Variants in IL15 observed in about 807,000 individuals in gnomAD.
IL15 encodes interleukin 15.
A neutral mutation model predicts 19.6 loss-of-function variants in IL15; 11 were observed. The ratio of observed to expected loss-of-function variants is 0.56; its 90% confidence interval spans 0.35 to 0.93. IL15 has a LOEUF of 0.93. IL15 is among the 40% of genes least tolerant of loss of function. The probability of loss-of-function intolerance (pLI) is 0.01; values close to 1 mark genes in which losing one functional copy is unlikely to be tolerated. For missense variants in IL15, 197 were observed against 186.5 expected, an observed-to-expected ratio of 1.06 and a Z score of -0.33; for synonymous variants, 58 against 59.6, an observed-to-expected ratio of 0.97 and a Z score of 0.12.
intron 5 of IL15, among the ~76,000 whole-genome samples, chr4:141,726,998 T>G (rs1389322268): frequency 6.6e-6 from 1 of 152,138 alleles, no homozygotes; most frequent in Non-Finnish European, 1.5e-5. Context: ...CTATGACATT[T>G]TGAAAAAGGC....
At chr4:141,708,837 G>A (rs1043473844) in intron 2 of IL15, among the ~76,000 whole-genome samples, 7 of 152,006 alleles carry the variant, frequency 4.6e-5, no homozygotes, top group Non-Finnish European at 5.9e-5. Flanking sequence ...ACAAGCACCA[G>A]GTAACTATAG....
Position 141,733,762 on chromosome 4 carries a change from T to G in IL15, c.*914T>G, listed in dbSNP as rs1263916890. The G allele has an allele frequency of 6.6e-6, 1 of 152,232 alleles. No individual in the cohort carries two copies. The highest frequency in any genetic ancestry group is 1.5e-5 in the Non-Finnish European group (1 of 68,034). The allele number at this position is 152,232 out of a possible 1,614,324, so 9.4% of individuals were successfully genotyped here. ...AAAACTAATAGTGACAGTGTTCATA[T>G]TTCATGCTTTCCCAAATACAGGTAT... On this transcript the variant is annotated 3_prime_UTR_variant, in exon 8 of 8. Coordinates refer to ENST00000320650, the MANE Select transcript of IL15 (RefSeq NM_000585.5).
At chr4:141,677,546 G>A (rs1366725587) in intron 2 of IL15, among the ~76,000 whole-genome samples, 1 of 152,104 alleles carries the variant, frequency 6.6e-6, no homozygotes, top group Non-Finnish European at 1.5e-5. Context: ...AGCCCGAGTT[G>A]TTCAAGGAGC....
chr4:141,664,392 A>ACACAC (rs1553987469), intron 2 of IL15, among the ~76,000 whole-genome samples: 15 of 112,842 alleles, frequency 1.3e-4, no homozygotes, highest in Admixed American at 1.3e-3. Context: ...CACACACACA[A>ACACAC]AACCAACAAC....
At chr4:141,721,443 A>T in intron 4 of IL15, 1 of 617,172 alleles carries the variant, frequency 1.6e-6, no homozygotes, top group African/African-American at 1.8e-5. Context: ...GAGTGTGAGC[A>T]ACATGAAAGG....
At chr4:141,731,828 G>T (rs958943108) in intron 7 of IL15, among the ~76,000 whole-genome samples, 5 of 152,118 alleles carry the variant, frequency 3.3e-5, no homozygotes, top group African/African-American at 7.2e-5. Context: ...TTTTATTTTT[G>T]CTGGCACAGC....
At chr4:141,725,605 A>G (rs887511954) in intron 5 of IL15, among the ~76,000 whole-genome samples, 1 of 152,162 alleles carries the variant, frequency 6.6e-6, no homozygotes, top group African/African-American at 2.4e-5. Flanking sequence ...GACTGATATA[A>G]ACACCTATTG....
At chr4:141,684,574 A>C (rs1448220067) in intron 2 of IL15, among the ~76,000 whole-genome samples, 1 of 152,118 alleles carries the variant, frequency 6.6e-6, no homozygotes, top group East Asian at 1.9e-4. Context: ...GACTTCCTTC[A>C]ATACTTTTCA....
chr4:141,671,623 A>G (rs1728179961), intron 2 of IL15, among the ~76,000 whole-genome samples: 1 of 152,096 alleles, frequency 6.6e-6, no homozygotes, highest in Non-Finnish European at 1.5e-5. Flanking sequence ...TTCATCATGC[A>G]GTTTCTTCAT....
At chr4:141,715,762 T>C (rs1342644930) in intron 2 of IL15, 1 of 152,196 alleles carries the variant, frequency 6.6e-6, no homozygotes, top group Non-Finnish European at 1.5e-5. Context: ...AAACCAATAC[T>C]TGTAAATCTT....
In IL15 at chr4:141,656,306, G is replaced by A. The variant is rs182459184; in HGVS notation, c.-101G>A. The A allele has an allele frequency of 3.8e-5, 15 of 398,102 alleles. No homozygotes were observed. The highest frequency in any genetic ancestry group is 2.1e-4 in the East Asian group (6 of 28,056). The allele number at this position is 398,102 out of a possible 1,614,324, so 24.7% of individuals were successfully genotyped here. ...GCAGATAGCCAGCCCATACAAGATC[G>A]TGTAAGTAAAGTTTTAAAAGTTTTA... On this transcript the variant is annotated splice_region_variant and 5_prime_UTR_variant, in exon 2 of 8. Transcript: ENST00000320650.
At chr4:141,641,268 GT>G (rs1167461599) in intron 1 of IL15, among the ~76,000 whole-genome samples, 1 of 152,202 alleles carries the variant, frequency 6.6e-6, no homozygotes, top group East Asian at 1.9e-4. Context: ...TCTAGCTTAT[GT>G]TATTTAAAAC....
At chr4:141,721,275 T>G (rs1031252127) in intron 4 of IL15, 4 of 697,936 alleles carry the variant, frequency 5.7e-6, no homozygotes, top group Non-Finnish European at 1.0e-5. Flanking sequence ...GCTCTAAGCA[T>G]CATTCCAATG....
At chr4:141,726,549 A>ATCCT (rs1730271932) in intron 5 of IL15, among the ~76,000 whole-genome samples, 1 of 152,164 alleles carries the variant, frequency 6.6e-6, no homozygotes, top group Non-Finnish European at 1.5e-5. Context: ...GCATCCTATG[A>ATCCT]AACAAAACAT....
intron 2 of IL15, chr4:141,688,891 C>A (rs951595594): frequency 6.3e-6 from 1 of 159,974 alleles, no homozygotes; most frequent in South Asian, 2.0e-4. Context: ...AGAATGAAGC[C>A]GCGGACCCTC....
intron 5 of IL15, among the ~76,000 whole-genome samples, chr4:141,727,721 A>T (rs1043966128): frequency 2.0e-5 from 3 of 152,130 alleles, no homozygotes; most frequent in African/African-American, 7.2e-5. Context: ...TTCTGATTGT[A>T]ATACTGTACT....
intron 2 of IL15, among the ~76,000 whole-genome samples, chr4:141,687,445 T>C (rs1411919084): frequency 6.6e-6 from 1 of 152,142 alleles, no homozygotes; most frequent in Non-Finnish European, 1.5e-5. Context: ...AAACTCAGGA[T>C]GATTTTTAGG....
intron 7 of IL15, among the ~76,000 whole-genome samples, chr4:141,730,982 G>A (rs1730432505): frequency 1.3e-5 from 2 of 152,178 alleles, no homozygotes; most frequent in Non-Finnish European, 2.9e-5. Context: ...AGGACACAGG[G>A]TAGGGGCACT....
At chr4:141,647,229 A>T (rs568243499) in intron 1 of IL15, among the ~76,000 whole-genome samples, 4 of 152,106 alleles carry the variant, frequency 2.6e-5, no homozygotes, top group Non-Finnish European at 4.4e-5. Flanking sequence ...AATGCCGAAG[A>T]TTTTAACCAT....
Sources: gnomAD v4.1 joint callset for allele counts (sites outside exome capture counted in the v4.1 genomes callset) on GRCh38, gnomAD v4.1.1 for gene constraint, MANE v1.5 for transcripts, NCBI Gene and HGNC (gene_info 2026-07-23, HGNC 2026-07-21) for gene names.